CERKL: variants seen among roughly 807,000 people sequenced by gnomAD.
The protein encoded by CERKL is CERK like autophagy regulator.
In CERKL, 61 loss-of-function variants were observed where a neutral mutation model predicts 63.4. That is an observed-to-expected ratio of 0.96 (90% CI 0.78 to 1.19). The LOEUF (loss-of-function observed/expected upper bound fraction) is 1.19, where lower values mean the gene tolerates loss of function less well. CERKL is among the 50% of genes most tolerant of loss of function. The probability of loss-of-function intolerance (pLI) is 0.00; values close to 1 mark genes in which losing one functional copy is unlikely to be tolerated. For synonymous variants in CERKL, 250 were observed against 230.5 expected, an observed-to-expected ratio of 1.08 and a Z score of -0.77; for missense variants, 675 against 655.5, an observed-to-expected ratio of 1.03 and a Z score of -0.33.
chr2:181,544,880 A>C, intron 10 of CERKL, 84 bp from the exon 11 acceptor site: 1 of 752,434 alleles, frequency 1.3e-6, no homozygotes, highest in Admixed American at 2.5e-5. Flanking sequence ...CCTTATAACA[A>C]GTATACTGTT....
intron 1 of CERKL, among the ~76,000 whole-genome samples, chr2:181,655,012 G>C (rs973411795): frequency 2.6e-5 from 4 of 152,148 alleles, no homozygotes; most frequent in African/African-American, 9.7e-5. Flanking sequence ...TAAGGCTCTA[G>C]GCTTCTGTGC....
intron 1 of CERKL, among the ~76,000 whole-genome samples, chr2:181,623,079 C>A (rs932547816): frequency 1.3e-5 from 2 of 152,140 alleles, no homozygotes; most frequent in Admixed American, 1.3e-4. Flanking sequence ...TTCAGGTGAT[C>A]CTCACAAGTT....
Position 181,603,967 on chromosome 2 carries a change from T to C in CERKL, c.351A>G (p.Leu117=), listed in dbSNP as rs1252324098. 2.5e-6 allele frequency: 4 copies of C among 1,613,408 alleles called. No homozygotes were observed. The highest frequency in any genetic ancestry group is 3.3e-5 in the Admixed American group (2 of 59,988). The part of the protein sequence containing the change: ...CSVKQQRSGT[L]LGITLFICLK... ...AGCAGATGAAGAGTGTGATACCTAA[T>C]AAAGTACCACTTCTCTGCTGTTTAA... Residue 117 remains leucine (L), a synonymous_variant, in exon 2 of 13, where the codon TTA becomes TTG. Coordinates refer to ENST00000410087, the MANE Select transcript of CERKL (RefSeq NM_201548.5).
chr2:181,653,838 G>C (rs1024693701), intron 1 of CERKL, among the ~76,000 whole-genome samples: 1 of 152,140 alleles, frequency 6.6e-6, no homozygotes, highest in African/African-American at 2.4e-5. Flanking sequence ...GTGTTTTGTT[G>C]CATAGTATGG....
At chr2:181,593,778 G>T (rs902081048) in intron 2 of CERKL, among the ~76,000 whole-genome samples, 1 of 150,796 alleles carries the variant, frequency 6.6e-6, no homozygotes, top group African/African-American at 2.4e-5. Context: ...TTCCAGTGTT[G>T]CGACATTTTT....
chr2:181,546,559 G>A (rs931468396), intron 10 of CERKL, among the ~76,000 whole-genome samples: 1 of 152,064 alleles, frequency 6.6e-6, no homozygotes, highest in Non-Finnish European at 1.5e-5. Flanking sequence ...TTTCAATATC[G>A]AAGTTTGCAG....
chr2:181,642,458 T>C (rs185653447), intron 1 of CERKL, among the ~76,000 whole-genome samples: 2 of 152,344 alleles, frequency 1.3e-5, no homozygotes, highest in Admixed American at 6.5e-5. Flanking sequence ...TTGCACATTA[T>C]CTTTTAAACT....
intron 5 of CERKL, among the ~76,000 whole-genome samples, chr2:181,551,701 G>A (rs182627704): frequency 6.6e-6 from 1 of 152,244 alleles, no homozygotes; most frequent in Non-Finnish European, 1.5e-5. Context: ...CACTGTTGGT[G>A]TAATGAGATA....
rs5836800 is a variant in CERKL at position 181,572,780 on chromosome 2, C to CTTTTTT, written c.613+967_613+972dup. 6.5e-3 allele frequency among the ~76,000 whole-genome samples: 850 copies of CTTTTTT among 131,166 alleles called. 16 individuals carry two copies. Among genetic ancestry groups the CTTTTTT allele is most frequent in the East Asian group, 0.011 (51 of 4,640 alleles). The allele number at this position is 131,166 out of a possible 152,430, so 86.0% of individuals were successfully genotyped here. A position where few individuals can be genotyped will look rare whatever the true frequency, so the allele number is the denominator to read the frequency against. ...GGGGCTGACCTTCCTACAAAACTTG[C>CTTTTTT]TTTTTTTTTTTTTTTGAACTTTCTT... On this transcript the variant is annotated intron_variant, in intron 3 of 12. Coordinates refer to ENST00000410087, the MANE Select transcript of CERKL (RefSeq NM_201548.5).
chr2:181,634,017 G>A (rs1687072753), intron 1 of CERKL, among the ~76,000 whole-genome samples: 1 of 152,098 alleles, frequency 6.6e-6, no homozygotes, highest in Admixed American at 6.6e-5. Flanking sequence ...TCCATTAAAA[G>A]GGCACTTTTC....
At chr2:181,619,504 T>C (rs1314320589) in intron 1 of CERKL, among the ~76,000 whole-genome samples, 1 of 152,170 alleles carries the variant, frequency 6.6e-6, no homozygotes, top group Non-Finnish European at 1.5e-5. Flanking sequence ...TATCTTCATC[T>C]CTAATCTCTG....
At position 181,603,377 on chromosome 2, in the gene CERKL, T is replaced by C. The variant is rs550232027; in HGVS notation, c.481+460A>G. Among the ~76,000 whole-genome samples, 52 of 152,310 alleles carry C rather than the reference T, an allele frequency of 3.4e-4. 1 individual carries two copies. The highest frequency in any genetic ancestry group is 9.6e-4 in the African/African-American group (40 of 41,570). On this transcript the variant is annotated intron_variant, in intron 2 of 12. Transcript: ENST00000410087. ...GATTATTGAAGCTTCTTCATGAAAA[T>C]AGTCATTCAAGAGTTACTTCCTAAC...
At chr2:181,565,995 A>C (rs1217492925) in intron 4 of CERKL, 63 bp downstream of exon 4, 4 of 1,128,590 alleles carry the variant, frequency 3.5e-6, no homozygotes, top group Non-Finnish European at 5.3e-6. Flanking sequence ...TATGTAGCTA[A>C]AACTAGTGAA....
intron 4 of CERKL, 81 bp downstream of exon 4, chr2:181,565,977 G>T (rs1188534193): frequency 1.1e-6 from 1 of 926,432 alleles, no homozygotes; most frequent in Non-Finnish European, 1.7e-6. Flanking sequence ...TAAATGTTAG[G>T]TTCCAAATAT....
intron 1 of CERKL, among the ~76,000 whole-genome samples, chr2:181,622,755 T>C (rs1300876278): frequency 6.6e-6 from 1 of 152,236 alleles, no homozygotes; most frequent in Admixed American, 6.5e-5. Context: ...GAAAAATTTA[T>C]ACAAATTACA....
Position 181,549,655 on chromosome 2 carries a change from C to A in CERKL, c.874G>T (p.Ala292Ser), listed in dbSNP as rs746847914. The change falls in exon 6 of 13, where the codon GCA becomes TCA. Residue 292 changes from alanine (A) to serine (S), a missense_variant. Ala to Ser is a moderately conservative substitution (Grantham distance 99). Coordinates refer to ENST00000410087, the MANE Select transcript of CERKL (RefSeq NM_201548.5). ...SLHGVPHVITATLHIIMGHVQ... is the reference protein window; with the variant it reads ...SLHGVPHVITSTLHIIMGHVQ... ...TTACCCATTATAATGTGCAATGTTGCAGTTATCACATGAGGAACTCCATGA... is the reference window on the plus strand; with the variant it reads ...TTACCCATTATAATGTGCAATGTTGAAGTTATCACATGAGGAACTCCATGA... 3 of 1,611,500 alleles carry A rather than the reference C, an allele frequency of 1.9e-6. No homozygotes were observed. In the Admixed American group the frequency reaches 5.0e-5, roughly 27 times the overall value.
At position 181,547,696 on chromosome 2, in the gene CERKL, C is replaced by T; in HGVS notation, c.1190G>A (p.Gly397Asp). 1 of 1,614,046 alleles carries T rather than the reference C, an allele frequency of 6.2e-7. No homozygotes were observed. Among genetic ancestry groups the T allele is most frequent in the Non-Finnish European group, 8.5e-7 (1 of 1,179,958 alleles). The change falls in exon 10 of 13, where the codon GGT (glycine) becomes GAT (aspartate). Residue 397 changes from glycine to aspartate, a missense_variant. Physicochemically the swap from Gly to Asp is moderately conservative, Grantham distance 94 (BLOSUM62 -1). Coordinates refer to ENST00000410087, the MANE Select transcript of CERKL (RefSeq NM_201548.5). ...CATAATGCTGACATTCAAGAACTGA[C>T]CCTGGATCATTTGCCATTGATCATT... Reference protein sequence around the residue: ...DCNDQWQMIQGQFLNVSIMAI... With the variant: ...DCNDQWQMIQDQFLNVSIMAI...
chr2:181,651,648 T>C lies in CERKL; in HGVS notation c.238+5121A>G, dbSNP rs563453767. On this transcript the variant is annotated intron_variant, in intron 1 of 12. Transcript: ENST00000410087. ...CCACTTACACAATTTCTATTCAACA[T>C]ACTACTGAAAGTTCTAGCCAGATAA... 8.5e-4 allele frequency among the ~76,000 whole-genome samples: 129 copies of C among 152,260 alleles called. 4 individuals are homozygous for C. The highest frequency in any genetic ancestry group is 7.1e-4 in the Non-Finnish European group (48 of 68,018).
intron 1 of CERKL, among the ~76,000 whole-genome samples, chr2:181,613,033 T>C (rs1234265958): frequency 6.6e-6 from 1 of 152,218 alleles, no homozygotes; most frequent in Non-Finnish European, 1.5e-5. Context: ...CGTAGTCTCT[T>C]AGTGATTTTC....
Sources: allele counts gnomAD v4.1 joint callset (sites outside exome capture counted in the v4.1 genomes callset), GRCh38; gene constraint gnomAD v4.1.1; transcripts MANE v1.5; gene names NCBI Gene and HGNC (gene_info 2026-07-23, HGNC 2026-07-21).